Variants in TBC1D8B observed in about 807,000 individuals in gnomAD.
The protein encoded by TBC1D8B is TBC1 domain family member 8B.
In TBC1D8B, 75 loss-of-function variants were observed where a neutral mutation model predicts 82.9. That is an observed-to-expected ratio of 0.90 (90% CI 0.75 to 1.10). The LOEUF (loss-of-function observed/expected upper bound fraction) is 1.10, where lower values mean the gene tolerates loss of function less well. TBC1D8B is among the 50% of genes least tolerant of loss of function. The pLI, the probability that TBC1D8B is intolerant of heterozygous loss-of-function variation, is 0.00. For synonymous variants in TBC1D8B, 276 were observed against 276.8 expected (o/e 1.00, Z 0.03); for missense variants, 794 against 796.9 (o/e 1.00, Z 0.04).
At chrX:106,819,724 G>T (rs1931644121) in intron 2 of TBC1D8B, among the ~76,000 whole-genome samples, 1 of 110,414 alleles carries the variant, frequency 9.1e-6, no homozygotes, top group Non-Finnish European at 1.9e-5. Flanking sequence ...CCTAAATGAG[G>T]TTGACATTAT....
rs1569454389 is a variant in TBC1D8B, at chrX:106,850,193, G to C, written c.2006G>C (p.Cys669Ser). Residue 669 changes from cysteine (C) to serine (S), a missense_variant, in exon 12 of 21, where the codon TGT (cysteine) becomes TCT (serine). Transcript: ENST00000357242. ...GAAAGTGCAGTGAATGTGGTGGACT[G>C]TTTCTTCTATGATGGAATAAAGGCC... Reference protein sequence around the residue: ...PIESAVNVVDCFFYDGIKAIL... With the variant: ...PIESAVNVVDSFFYDGIKAIL... 2.5e-6 allele frequency: 3 copies of C among 1,211,307 alleles called. No individual in the cohort carries two copies. The highest frequency in any genetic ancestry group is 3.4e-6 in the Non-Finnish European group (3 of 895,416).
chrX:106,835,975 C>A (rs1027711819), intron 7 of TBC1D8B, among the ~76,000 whole-genome samples: 2 of 112,248 alleles, frequency 1.8e-5, no homozygotes, highest in African/African-American at 6.5e-5. Flanking sequence ...GTTCCAACCT[C>A]TGCCTGTTAC....
intron 1 of TBC1D8B, among the ~76,000 whole-genome samples, chrX:106,808,712 T>G (rs1236355063): frequency 8.9e-6 from 1 of 112,462 alleles, no homozygotes; most frequent in African/African-American, 3.2e-5. Flanking sequence ...GCATCACTTG[T>G]CTTGCTGAGT....
intron 14 of TBC1D8B, among the ~76,000 whole-genome samples, chrX:106,863,920 A>G (rs1219584312): frequency 9.0e-6 from 1 of 111,469 alleles, no homozygotes; most frequent in African/African-American, 3.3e-5. Flanking sequence ...TAGGTGTTTC[A>G]TGGGACAACA....
At chrX:106,817,337 C>G (rs1372121697) in intron 1 of TBC1D8B, among the ~76,000 whole-genome samples, 3 of 110,574 alleles carry the variant, frequency 2.7e-5, no homozygotes, top group African/African-American at 9.8e-5. Flanking sequence ...TAATAACCAG[C>G]CTAATATATG....
chrX:106,851,585 C>A (rs1484811943), intron 12 of TBC1D8B, among the ~76,000 whole-genome samples: 1 of 109,222 alleles, frequency 9.2e-6, no homozygotes, highest in African/African-American at 3.3e-5. Context: ...CCACAACAGT[C>A]CCCAGTGTGT....
At chrX:106,834,437 G>C (rs1932121276) in intron 7 of TBC1D8B, among the ~76,000 whole-genome samples, 1 of 110,995 alleles carries the variant, frequency 9.0e-6, no homozygotes, top group Non-Finnish European at 1.9e-5. Context: ...GATTTGGGTG[G>C]TGACACAGAG....
At chrX:106,813,983 A>G (rs1173273354) in intron 1 of TBC1D8B, 2 of 108,996 alleles carry the variant, frequency 1.8e-5, no homozygotes, top group Admixed American at 2.0e-4. Flanking sequence ...CATTAGGTAT[A>G]TCTCTTAATG....
intron 18 of TBC1D8B, 106 bp downstream of exon 18, chrX:106,868,582 T>A: frequency 2.3e-6 from 1 of 437,447 alleles, no homozygotes. Flanking sequence ...TCATTTTAAC[T>A]TATACTTCTT....
At chrX:106,871,157 G>A (rs930395200) in intron 20 of TBC1D8B, among the ~76,000 whole-genome samples, 16 of 111,028 alleles carry the variant, frequency 1.4e-4, no homozygotes, top group African/African-American at 5.2e-4. Flanking sequence ...CTAGGTACTG[G>A]GAATGATAAA....
chrX:106,848,331 T>C (rs935928707), intron 11 of TBC1D8B, 28 bp downstream of exon 11: 23 of 960,204 alleles, frequency 2.4e-5, no homozygotes, highest in Non-Finnish European at 3.3e-5. Context: ...CACACACATA[T>C]GCATACACAC....
rs1453456073 is a variant in TBC1D8B, at chrX:106,821,868, G to T, written c.361-109G>T. 5 of 611,723 alleles carry T rather than the reference G, an allele frequency of 8.2e-6. No individual in the cohort carries two copies. In the Admixed American group the frequency reaches 1.9e-4, roughly 24 times the overall value. 50.4% of individuals were successfully genotyped at this position (611,723 alleles called of 1,213,427 possible). A position where few individuals can be genotyped will look rare whatever the true frequency, so the allele number is the denominator to read the frequency against. On this transcript the variant is annotated intron_variant, in intron 3 of 20. Transcript: ENST00000357242. The stretch of plus-strand genomic sequence containing the variant: ...TTGAATCCATGGATGAGGAACCCAT[G>T]GATATGGAGGGCTGACTGTACAATT...
In TBC1D8B at chrX:106,827,265, T is replaced by C; in HGVS notation, c.1131T>C (p.Phe377=). Residue 377 remains phenylalanine (F), a synonymous_variant, in exon 7 of 21, where the codon TTT becomes TTC. Transcript: ENST00000357242. Reference sequence around the variant, plus strand: ...TTCGCTTCCATGAAGTTAAAGACTTTGAACAACTGGTAGCAAAACTCAGGC... The same window carrying C: ...TTCGCTTCCATGAAGTTAAAGACTTCGAACAACTGGTAGCAAAACTCAGGC... ...TAFRFHEVKD[F]EQLVAKLRLR... is the part of the protein sequence containing the mutation. 4 of 1,211,327 alleles carry C rather than the reference T, an allele frequency of 3.3e-6. No homozygotes were observed. Among genetic ancestry groups the C allele is most frequent in the Non-Finnish European group, 4.5e-6 (4 of 895,178 alleles).
chrX:106,818,945 G>GTT (rs370976127), intron 2 of TBC1D8B, among the ~76,000 whole-genome samples, 172 bp downstream of exon 2: 6 of 98,984 alleles, frequency 6.1e-5, no homozygotes, highest in Non-Finnish European at 2.1e-5. Context: ...GGGTTATTAA[G>GTT]TTTTTTTTTT....
intron 5 of TBC1D8B, 33 bp from the exon 6 acceptor site, chrX:106,825,997 T>C: frequency 2.6e-6 from 3 of 1,169,987 alleles, no homozygotes; most frequent in Non-Finnish European, 3.5e-6. Context: ...TAAAAATTCA[T>C]TTGTGCCTTA....
At chrX:106,870,070 G>A (rs1440961940) in intron 19 of TBC1D8B, among the ~76,000 whole-genome samples, 4 of 110,647 alleles carry the variant, frequency 3.6e-5, no homozygotes, top group African/African-American at 9.8e-5. Context: ...TTGCTCTGTC[G>A]CCCAGGCTGG....
At chrX:106,867,313 A>G (rs1932821111) in intron 17 of TBC1D8B, among the ~76,000 whole-genome samples, 1 of 112,087 alleles carries the variant, frequency 8.9e-6, no homozygotes, top group Non-Finnish European at 1.9e-5. Flanking sequence ...TTTATTAAGC[A>G]CCTGCTCTGT....
At chrX:106,870,101 G>A (rs1932838296) in intron 19 of TBC1D8B, among the ~76,000 whole-genome samples, 1 of 112,139 alleles carries the variant, frequency 8.9e-6, no homozygotes, top group Non-Finnish European at 1.9e-5. Flanking sequence ...CATGATCTCA[G>A]CTCACTGCAA....
At position 106,811,802 on chromosome X, in the gene TBC1D8B, T is replaced by C. The variant is rs1931384484; in HGVS notation, c.131-6861T>C. 3.6e-5 allele frequency among the ~76,000 whole-genome samples: 4 copies of C among 111,841 alleles called. No homozygotes were observed. The South Asian group carries it at 1.5e-3, about 42-fold the overall frequency. ...TAGGTCTTGAAGAGTAAGAAGTGGC[T>C]GTAAATATAGTACCAATTCTCATAT... On this transcript the variant is annotated intron_variant, in intron 1 of 20. Coordinates refer to ENST00000357242, the MANE Select transcript of TBC1D8B (RefSeq NM_017752.3).
Sources: gnomAD v4.1 joint callset for allele counts (sites outside exome capture counted in the v4.1 genomes callset) on GRCh38, gnomAD v4.1.1 for gene constraint, MANE v1.5 for transcripts, NCBI Gene and HGNC (gene_info 2026-07-23, HGNC 2026-07-21) for gene names.